TMEM131: variants seen among roughly 807,000 people sequenced by gnomAD.
TMEM131 encodes transmembrane protein 131.
A neutral mutation model predicts 211.6 loss-of-function variants in TMEM131; 66 were observed. That is an observed-to-expected ratio of 0.31 (90% CI 0.26 to 0.38). The LOEUF (loss-of-function observed/expected upper bound fraction) is 0.38, where lower values mean the gene tolerates loss of function less well. Among genes scored for constraint, TMEM131 ranks in the 10% least tolerant of loss-of-function variants. The pLI is 1.00. For synonymous variants in TMEM131, 844 were observed against 841.3 expected, an observed-to-expected ratio of 1.00 and a Z score of -0.06; for missense variants, 2,036 against 2,299.3, an observed-to-expected ratio of 0.89 and a Z score of 2.34.
intron 28 of TMEM131, among the ~76,000 whole-genome samples, chr2:97,795,893 T>C (rs974388376): frequency 6.6e-6 from 1 of 152,206 alleles, no homozygotes; most frequent in Admixed American, 6.5e-5. Flanking sequence ...GGACTGTGAA[T>C]TTACATCAAC....
chr2:97,910,097 A>C (rs763192579), intron 2 of TMEM131, among the ~76,000 whole-genome samples: 34 of 152,208 alleles, frequency 2.2e-4, no homozygotes, highest in Non-Finnish European at 4.6e-4. Context: ...AAGAAAATAC[A>C]CAAATGGCCA....
intron 3 of TMEM131, among the ~76,000 whole-genome samples, chr2:97,888,456 TAAAG>T (rs993549980): frequency 6.6e-6 from 1 of 152,226 alleles, no homozygotes; most frequent in African/African-American, 2.4e-5. Flanking sequence ...GTATGATGAA[TAAAG>T]AGTTAATACA....
intron 31 of TMEM131, among the ~76,000 whole-genome samples, chr2:97,776,419 G>A (rs2104820603): frequency 6.6e-6 from 1 of 152,248 alleles, no homozygotes; most frequent in East Asian, 1.9e-4. Context: ...GTTGGAAGAG[G>A]CTGGACTCTT....
chr2:97,995,325 G>C lies in TMEM131; in HGVS notation c.187+151C>G. 4.5e-6 allele frequency: 3 copies of C among 659,772 alleles called. No homozygotes were observed. In the South Asian group the frequency reaches 2.1e-4, roughly 47 times the overall value. The allele number at this position is 659,772 out of a possible 1,614,324, so 40.9% of individuals were successfully genotyped here. On this transcript the variant is annotated intron_variant, in intron 1 of 40. Coordinates refer to ENST00000186436, the MANE Select transcript of TMEM131 (RefSeq NM_015348.2). ...GAGCGAAGGCCACTCCGTGCGGCGG[G>C]CGCCGCGAGGTCCCGGCTCGGGACG...
At chr2:97,886,961 G>C (rs1341606533) in intron 4 of TMEM131, among the ~76,000 whole-genome samples, 2 of 152,264 alleles carry the variant, frequency 1.3e-5, no homozygotes, top group African/African-American at 4.8e-5. Context: ...AGCTGAACTG[G>C]GAGTTATGTT....
chr2:97,759,338 C>G (rs550162218), intron 39 of TMEM131: 66 of 537,316 alleles, frequency 1.2e-4, no homozygotes, highest in African/African-American at 1.0e-3. Flanking sequence ...TAGTTCTGGA[C>G]AGCAAGAAGA....
intron 11 of TMEM131, among the ~76,000 whole-genome samples, chr2:97,819,886 T>A (rs890449339): frequency 6.6e-6 from 1 of 152,244 alleles, no homozygotes; most frequent in African/African-American, 2.4e-5. Flanking sequence ...AGGTGAAATC[T>A]GCCTCAACAG....
chr2:97,787,476 G>C (rs1482168176), intron 31 of TMEM131, among the ~76,000 whole-genome samples: 1 of 152,194 alleles, frequency 6.6e-6, no homozygotes, highest in Non-Finnish European at 1.5e-5. Flanking sequence ...CCTCCAGAAA[G>C]AATTTCCCCA....
chr2:97,795,622 T>C (rs542372411), intron 28 of TMEM131, among the ~76,000 whole-genome samples: 2 of 152,368 alleles, frequency 1.3e-5, no homozygotes, highest in African/African-American at 4.8e-5. Context: ...TCAAACATTA[T>C]GCCTTATATG....
chr2:97,975,906 T>C (rs1361147799), intron 1 of TMEM131, among the ~76,000 whole-genome samples: 1 of 150,860 alleles, frequency 6.6e-6, no homozygotes, highest in African/African-American at 2.4e-5. Context: ...TTAAAATAAA[T>C]TGCATAATAC....
intron 1 of TMEM131, among the ~76,000 whole-genome samples, chr2:97,975,266 T>A (rs1293320853): frequency 2.0e-5 from 3 of 151,354 alleles, no homozygotes; most frequent in Non-Finnish European, 4.4e-5. Context: ...AGAAATAAAA[T>A]TCAAGTGAAA....
intron 13 of TMEM131, 64 bp downstream of exon 13, chr2:97,815,135 A>G (rs1383989343): frequency 2.2e-6 from 2 of 906,400 alleles, no homozygotes; most frequent in African/African-American, 1.8e-5. Context: ...CAGGTCATTT[A>G]GCAGGAAAAT....
At chr2:97,919,102 G>A (rs910580792) in intron 2 of TMEM131, among the ~76,000 whole-genome samples, 71 of 152,188 alleles carry the variant, frequency 4.7e-4, no homozygotes, top group Non-Finnish European at 2.8e-4. Context: ...AAAACTGACA[G>A]ACCCAGGTAG....
Position 97,834,614 on chromosome 2 carries a change from T to G in TMEM131, c.1012+7A>C. On this transcript the variant is annotated splice_region_variant and intron_variant, in intron 10 of 40. Transcript: ENST00000186436. ...TCCATAAAGACTCTTTTAAAAGATT[T>G]TTTTACCTTGTGTTCTTAGTGTACC... is the stretch of plus-strand genomic sequence containing the variant. The G allele has an allele frequency of 6.6e-7, 1 of 1,525,018 alleles. No individual in the cohort carries two copies. The highest frequency in any genetic ancestry group is 8.8e-7 in the Non-Finnish European group (1 of 1,141,672). 94.5% of individuals were successfully genotyped at this position (1,525,018 alleles called of 1,614,324 possible).
intron 17 of TMEM131, among the ~76,000 whole-genome samples, chr2:97,811,797 A>G (rs1347730491): frequency 6.6e-6 from 1 of 152,228 alleles, no homozygotes; most frequent in Non-Finnish European, 1.5e-5. Flanking sequence ...CCTGCAGATG[A>G]GATTATCTGA....
rs66841026 is a variant in TMEM131 at position 97,827,068 on chromosome 2, CAA to C, written c.1074+6295_1074+6296del. ...CAATGGGTATTCAGTAAGTGATAAG[CAA>C]AAAAAAAAAAAAAAAAAAAAATTTT... On this transcript the variant is annotated intron_variant, in intron 11 of 40. Coordinates refer to ENST00000186436, the MANE Select transcript of TMEM131 (RefSeq NM_015348.2). 5.6e-3 allele frequency among the ~76,000 whole-genome samples: 529 copies of C among 93,686 alleles called. 2 individuals are homozygous for C. Among genetic ancestry groups the C allele is most frequent in the East Asian group, 0.049 (155 of 3,136 alleles). The allele number at this position is 93,686 out of a possible 152,430, so 61.5% of individuals were successfully genotyped here. A position where few individuals can be genotyped will look rare whatever the true frequency, so the allele number is the denominator to read the frequency against.
intron 40 of TMEM131, among the ~76,000 whole-genome samples, 198 bp from the exon 41 acceptor site, chr2:97,757,581 G>T (rs1362053210): frequency 6.6e-6 from 1 of 152,170 alleles, no homozygotes; most frequent in Non-Finnish European, 1.5e-5. Context: ...CATCACTCAG[G>T]CTGGAGTGCA....
At chr2:97,945,042 T>C (rs1677968341) in intron 1 of TMEM131, among the ~76,000 whole-genome samples, 1 of 152,182 alleles carries the variant, frequency 6.6e-6, no homozygotes, top group Non-Finnish European at 1.5e-5. Flanking sequence ...AAATTCATGA[T>C]AGTCAAAAAT....
chr2:97,988,021 G>A (rs889185326), intron 1 of TMEM131, among the ~76,000 whole-genome samples: 1 of 152,130 alleles, frequency 6.6e-6, no homozygotes, highest in African/African-American at 2.4e-5. Context: ...AAAGGAAGAA[G>A]ACAGTTAGAG....
Sources: allele counts gnomAD v4.1 joint callset (sites outside exome capture counted in the v4.1 genomes callset), GRCh38; gene constraint gnomAD v4.1.1; transcripts MANE v1.5; gene names NCBI Gene and HGNC (gene_info 2026-07-23, HGNC 2026-07-21).